CLEC16A: variants seen among roughly 807,000 people sequenced by gnomAD.
CLEC16A encodes the protein C-type lectin domain containing 16A.
In CLEC16A, 51 loss-of-function variants were observed where a neutral mutation model predicts 109.5. That is an observed-to-expected ratio of 0.47 (90% CI 0.37 to 0.59). CLEC16A has a LOEUF of 0.59. Among genes scored for constraint, CLEC16A ranks in the 20% least tolerant of loss-of-function variants. CLEC16A has a pLI of 0.00. For synonymous variants in CLEC16A, 673 were observed against 564.2 expected, an observed-to-expected ratio of 1.19 and a Z score of -2.73; for missense variants, 1,339 against 1,394.0, an observed-to-expected ratio of 0.96 and a Z score of 0.63.
rs200777760 is a variant in CLEC16A at position 11,178,541 on chromosome 16, G to A, written c.3013G>A (p.Glu1005Lys). ...GGACACGGCTGACACGCTGAGCGTC[G>A]AATCGCTGACCCTTGTCCCCCCAGT... The part of the protein sequence containing the change: ...CEDTADTLSV[E>K]SLTLVPPVDP... Residue 1005 changes from glutamate (E) to lysine (K), a missense_variant, in exon 24 of 24, where the codon GAA becomes AAA. Coordinates refer to ENST00000409790, the MANE Select transcript of CLEC16A (RefSeq NM_015226.3). This position sits in a 1 kb window ranked among gnomAD's most constrained non-coding sequence, Gnocchi z 6.5. 2.2e-5 allele frequency: 35 copies of A among 1,612,796 alleles called. No homozygotes were observed. Among genetic ancestry groups the A allele is most frequent in the African/African-American group, 2.7e-5 (2 of 74,918 alleles).
rs2048613750 is a variant in CLEC16A at position 11,063,694 on chromosome 16, C to CT, written c.2116+2673dup. Reference sequence around the variant, plus strand: ...GTGCTTGCTGACCAGCAGCAGGTCTCTCGGCTGGGTGTGACAGCCGAGCTC... The same window carrying CT: ...GTGCTTGCTGACCAGCAGCAGGTCTCTTCGGCTGGGTGTGACAGCCGAGCTC... On this transcript the variant is annotated intron_variant, in intron 19 of 23. Transcript: ENST00000409790. Among the ~76,000 whole-genome samples the CT allele has an allele frequency of 2.6e-5, 4 of 152,160 alleles. No individual in the cohort carries two copies. In the South Asian group the frequency reaches 8.3e-4, roughly 32 times the overall value.
At chr16:11,015,510 G>A (rs1286045298) in intron 11 of CLEC16A, among the ~76,000 whole-genome samples, 1 of 152,168 alleles carries the variant, frequency 6.6e-6, no homozygotes, top group African/African-American at 2.4e-5. Context: ...CTCATGGAGT[G>A]CACGAGGGAG....
At position 11,123,930 on chromosome 16, in the gene CLEC16A, G is replaced by A; in HGVS notation, c.2457G>A (p.Lys819=). The change falls in exon 21 of 24, where the codon AAG becomes AAA. Residue 819 remains lysine (K), a synonymous_variant. Transcript: ENST00000409790. ...GCCGCATCCAGGCAAGGCGCATGAA[G>A]ATGCAGAGAATAGCTGGTGAGTGGC... ...AKGRIQARRM[K]MQRIAALLDL... is the part of the protein sequence containing the mutation. 4 of 1,611,020 alleles carry A rather than the reference G, an allele frequency of 2.5e-6. No homozygotes were observed. The highest frequency in any genetic ancestry group is 1.7e-5 in the Admixed American group (1 of 59,714).
intron 19 of CLEC16A, among the ~76,000 whole-genome samples, chr16:11,086,026 C>T (rs1042252200): frequency 3.3e-5 from 5 of 152,196 alleles, no homozygotes; most frequent in African/African-American, 9.6e-5. Context: ...AAGTAATAGC[C>T]GCTTCACAGG....
intron 22 of CLEC16A, among the ~76,000 whole-genome samples, chr16:11,132,230 A>ACCCC (rs1481112707): frequency 1.1e-4 from 5 of 44,392 alleles, no homozygotes; most frequent in African/African-American, 3.5e-4. Flanking sequence ...GTCATCGCCC[A>ACCCC]CCCACCCCCC....
At chr16:10,963,773 G>A (rs947584321) in intron 3 of CLEC16A, among the ~76,000 whole-genome samples, 2 of 152,192 alleles carry the variant, frequency 1.3e-5, no homozygotes, top group East Asian at 1.9e-4. Context: ...TTCATCCCAG[G>A]CGATTAGCTC....
chr16:11,008,103 G>C (rs189264409), intron 11 of CLEC16A, among the ~76,000 whole-genome samples: 191 of 152,316 alleles, frequency 1.3e-3, no homozygotes, highest in African/African-American at 3.9e-3. Context: ...GGGGCTGTTT[G>C]CTTCTTGAAA....
chr16:10,953,064 C>T (rs1014549720), intron 1 of CLEC16A, among the ~76,000 whole-genome samples: 3 of 151,894 alleles, frequency 2.0e-5, no homozygotes, highest in African/African-American at 7.3e-5. Flanking sequence ...ATTAAAAGGG[C>T]CAAGAATAGG....
Position 11,020,263 on chromosome 16 carries a change from G to C in CLEC16A, c.1374G>C (p.Gln458His). ...ELAASTSVQEQNTTDEEKSAA... is the reference protein window; with the variant it reads ...ELAASTSVQEHNTTDEEKSAA... ...CCGCCAGCACCTCCGTGCAGGAGCAGAACACCACGGACGAGGAGAAAAGCG... is the reference window on the plus strand; with the variant it reads ...CCGCCAGCACCTCCGTGCAGGAGCACAACACCACGGACGAGGAGAAAAGCG... The change falls in exon 12 of 24, where the codon CAG (glutamine) becomes CAC (histidine). Residue 458 changes from glutamine to histidine, a missense_variant. Gln to His is a conservative substitution (Grantham distance 24). This residue lies in a region of CLEC16A where 1,061 missense variants were observed against 1,006.8 expected (regional missense o/e 1.05). Coordinates refer to ENST00000409790, the MANE Select transcript of CLEC16A (RefSeq NM_015226.3). The C allele has an allele frequency of 6.2e-7, 1 of 1,613,898 alleles. No individual in the cohort carries two copies. Among genetic ancestry groups the C allele is most frequent in the South Asian group, 1.1e-5 (1 of 91,064 alleles).
intron 1 of CLEC16A, among the ~76,000 whole-genome samples, chr16:10,956,972 T>G (rs2145920316): frequency 6.6e-6 from 1 of 152,278 alleles, no homozygotes; most frequent in East Asian, 1.9e-4. Context: ...AATGTTTGTA[T>G]TTTTAGTAGA....
intron 18 of CLEC16A, among the ~76,000 whole-genome samples, chr16:11,052,128 G>A (rs1202253604): frequency 6.6e-6 from 1 of 152,188 alleles, no homozygotes; most frequent in Non-Finnish European, 1.5e-5. Context: ...GAAAAGATTA[G>A]TTCTCAGAAC....
chr16:11,042,829 AT>A (rs1259762326), intron 15 of CLEC16A, among the ~76,000 whole-genome samples: 2 of 151,440 alleles, frequency 1.3e-5, no homozygotes, highest in South Asian at 2.1e-4. Flanking sequence ...TATAGTTGAC[AT>A]TTTGTCTGTG....
chr16:11,150,508 G>A (rs2054252245), intron 22 of CLEC16A, among the ~76,000 whole-genome samples: 1 of 152,166 alleles, frequency 6.6e-6, no homozygotes, highest in Non-Finnish European at 1.5e-5. Context: ...GCATCCTTGG[G>A]CACACCTCTC....
At chr16:11,012,109 T>A (rs183463604) in intron 11 of CLEC16A, among the ~76,000 whole-genome samples, 24 of 152,206 alleles carry the variant, frequency 1.6e-4, no homozygotes, top group African/African-American at 4.8e-4. Flanking sequence ...CAAGGATAGG[T>A]TCTTAGAAAC....
chr16:11,014,313 G>A (rs2045611986), intron 11 of CLEC16A, among the ~76,000 whole-genome samples: 1 of 152,218 alleles, frequency 6.6e-6, no homozygotes, highest in Non-Finnish European at 1.5e-5. Context: ...TGTGCTGTGT[G>A]TATGTACCAT....
chr16:11,072,918 A>G (rs1441454017), intron 19 of CLEC16A, among the ~76,000 whole-genome samples: 2 of 152,158 alleles, frequency 1.3e-5, no homozygotes, highest in Non-Finnish European at 2.9e-5. Flanking sequence ...CTTGTTAACT[A>G]GATAATAAGG....
intron 5 of CLEC16A, among the ~76,000 whole-genome samples, chr16:10,971,834 G>T (rs80010166): frequency 1.0e-3 from 153 of 152,344 alleles, no homozygotes; most frequent in Middle Eastern, 6.8e-3. Flanking sequence ...CTTCCAAGGC[G>T]ATGCTTGGAA....
chr16:11,145,959 G>A (rs192658348), intron 22 of CLEC16A, among the ~76,000 whole-genome samples: 4 of 152,228 alleles, frequency 2.6e-5, no homozygotes, highest in African/African-American at 4.8e-5. Context: ...CCTCACCCCC[G>A]CCATGGTCCC....
chr16:10,972,642 G>GT, intron 6 of CLEC16A, 83 bp downstream of exon 6: 1 of 1,281,982 alleles, frequency 7.8e-7, no homozygotes, highest in Non-Finnish European at 1.1e-6. Context: ...GTAATTCTCA[G>GT]TGTAGTCTAG....
Sources: allele counts gnomAD v4.1 joint callset (sites outside exome capture counted in the v4.1 genomes callset), GRCh38; gene constraint gnomAD v4.1.1; regional missense constraint gnomAD v4.1.1; non-coding constraint Gnocchi (gnomAD v3.1); transcripts MANE v1.5; gene names NCBI Gene and HGNC (gene_info 2026-07-23, HGNC 2026-07-21).